Variants in LOXL3 observed in about 807,000 individuals in gnomAD.
The protein encoded by LOXL3 is lysyl oxidase homolog 3.
In LOXL3, 60 loss-of-function variants were observed where a neutral mutation model predicts 91.8. The observed-to-expected ratio is 0.65, with a 90% CI of 0.53 to 0.81. The LOEUF (loss-of-function observed/expected upper bound fraction) is 0.81, where lower values mean the gene tolerates loss of function less well. Ranked by LOEUF, LOXL3 falls within the 30% of genes least tolerant of loss-of-function variation. The pLI is 0.00. For missense variants in LOXL3, 874 were observed against 1,000.4 expected, an observed-to-expected ratio of 0.87 and a Z score of 1.70; for synonymous variants, 355 against 387.6, an observed-to-expected ratio of 0.92 and a Z score of 0.99.
chr2:74,544,965 T>A (rs998390290), intron 4 of LOXL3, among the ~76,000 whole-genome samples: 1 of 152,202 alleles, frequency 6.6e-6, no homozygotes, highest in Admixed American at 6.5e-5. Context: ...TGTATCTCTT[T>A]CTCCAGCCTT....
Position 74,550,308 on chromosome 2 carries a change from C to G in LOXL3, c.354G>C (p.Glu118Asp). The G allele has an allele frequency of 6.2e-7, 1 of 1,614,130 alleles. No individual in the cohort carries two copies. The highest frequency in any genetic ancestry group is 2.2e-5 in the East Asian group (1 of 44,880). The change falls in exon 3 of 14, where the codon GAG becomes GAC. Residue 118 changes from glutamate to aspartate, a missense_variant. Physicochemically the swap from Glu to Asp is conservative, Grantham distance 45 (BLOSUM62 2). Coordinates refer to ENST00000264094, the MANE Select transcript of LOXL3 (RefSeq NM_032603.5). ...WLDNLSCSGTEQSVTECASRG... is the reference protein window; with the variant it reads ...WLDNLSCSGTDQSVTECASRG... ...GGGAGGCACATTCAGTCACACTCTG[C>G]TCGGTCCCACTGCAGCTCAAGTTGT... is the stretch of plus-strand genomic sequence containing the variant.
At position 74,536,941 on chromosome 2, in the gene LOXL3, G is replaced by A; in HGVS notation, c.693-13C>T. 1 of 1,611,856 alleles carries A rather than the reference G, an allele frequency of 6.2e-7. No homozygotes were observed. The highest frequency in any genetic ancestry group is 8.5e-7 in the Non-Finnish European group (1 of 1,178,180). On this transcript the variant is annotated splice_polypyrimidine_tract_variant and intron_variant, in intron 4 of 13. Coordinates refer to ENST00000264094, the MANE Select transcript of LOXL3 (RefSeq NM_032603.5). This position sits in a 1 kb window ranked among gnomAD's most constrained non-coding sequence, Gnocchi z 4.5. Reference sequence around the variant, plus strand: ...TTGGGCTAGCAGCCTAGGGGGACAGGAGTGAGGTGCAGTAGGGTAAAACAA... The same window carrying A: ...TTGGGCTAGCAGCCTAGGGGGACAGAAGTGAGGTGCAGTAGGGTAAAACAA...
In LOXL3 at chr2:74,534,412, T is replaced by A. The variant is rs17010021; in HGVS notation, c.1843A>T (p.Ile615Phe). The A allele has an allele frequency of 0.055, 88,308 of 1,614,118 alleles. 5,524 individuals are homozygous for A. Among genetic ancestry groups the A allele is most frequent in the East Asian group, 0.37 (16,689 of 44,870 alleles). Residue 615 changes from isoleucine (I) to phenylalanine (F), a missense_variant, in exon 11 of 14, where the codon ATC becomes TTC. Transcript: ENST00000264094. ...GTGAGGATATCATAGTGAGTGAAGATGTCCATGCTGTGGTAATGCCTGTGG... is the reference window on the plus strand; with the variant it reads ...GTGAGGATATCATAGTGAGTGAAGAAGTCCATGCTGTGGTAATGCCTGTGG... Reference protein sequence around the residue: ...ECHGHYHSMDIFTHYDILTPN... With the variant: ...ECHGHYHSMDFFTHYDILTPN...
At chr2:74,550,036 C>T (rs1388765249) in intron 3 of LOXL3, 149 bp downstream of exon 3, 5 of 1,471,296 alleles carry the variant, frequency 3.4e-6, no homozygotes, top group Non-Finnish European at 4.5e-6. Flanking sequence ...TTTACAGCAT[C>T]TGGGAGCTCT....
chr2:74,549,306 A>G lies in LOXL3; in HGVS notation c.692+63T>C. 3.4e-6 allele frequency: 5 copies of G among 1,488,668 alleles called. No individual in the cohort carries two copies. Among genetic ancestry groups the G allele is most frequent in the Non-Finnish European group, 4.5e-6 (5 of 1,113,946 alleles). 92.2% of individuals were successfully genotyped at this position (1,488,668 alleles called of 1,614,324 possible). ...CCCGGACCTGCTCAGATGTCTCCCA[A>G]GGCTATTCATCAGGGAGCACCCCAA... On this transcript the variant is annotated intron_variant, in intron 4 of 13. Coordinates refer to ENST00000264094, the MANE Select transcript of LOXL3 (RefSeq NM_032603.5). The surrounding 1 kb of genome is among the most constrained non-coding windows in gnomAD (Gnocchi z 5.3).
Position 74,534,658 on chromosome 2 carries a change from G to C in LOXL3, c.1696C>G (p.Arg566Gly). 2 of 1,614,204 alleles carry C rather than the reference G, an allele frequency of 1.2e-6. No individual in the cohort carries two copies. The highest frequency in any genetic ancestry group is 1.7e-6 in the Non-Finnish European group (2 of 1,180,040). Residue 566 changes from arginine to glycine, a missense_variant, in exon 10 of 14, where the codon CGC becomes GGC. Coordinates refer to ENST00000264094, the MANE Select transcript of LOXL3 (RefSeq NM_032603.5). ...TGACCATAGGGCCAGTTGGCTGAGC[G>C]GGCTGAGCTGGCCAGGCAGTTCTCT... ...AEENCLASSARSANWPYGHRR... is the reference protein window; with the variant it reads ...AEENCLASSAGSANWPYGHRR...
rs1466479462 is a variant in LOXL3, at chr2:74,534,751, A to T, written c.1603T>A (p.Ser535Thr). ...TAGGCGGTCTCCTGCACCAGTGCTGAGTGCAGCAACAGATCTGATGCAGCT... is the reference window on the plus strand; with the variant it reads ...TAGGCGGTCTCCTGCACCAGTGCTGTGTGCAGCAACAGATCTGATGCAGCT... ...SETASDLLLHSALVQETAYIE... is the reference protein window; with the variant it reads ...SETASDLLLHTALVQETAYIE... The change falls in exon 10 of 14, where the codon TCA (serine) becomes ACA (threonine). Residue 535 changes from serine (S) to threonine (T), a missense_variant. Coordinates refer to ENST00000264094, the MANE Select transcript of LOXL3 (RefSeq NM_032603.5). 2 of 1,613,910 alleles carry T rather than the reference A, an allele frequency of 1.2e-6. No homozygotes were observed. Among genetic ancestry groups the T allele is most frequent in the Non-Finnish European group, 1.7e-6 (2 of 1,179,962 alleles).
upstream of LOXL3, chr2:74,555,095 C>A: frequency 9.7e-6 from 15 of 1,547,770 alleles, no homozygotes; most frequent in South Asian, 1.7e-4. This position sits in a 1 kb window ranked among gnomAD's most constrained non-coding sequence, Gnocchi z 6.1. Context: ...CCTTCCCCGT[C>A]GGGACCCGGG....
Position 74,536,225 on chromosome 2 carries a change from G to T in LOXL3, c.1093+66C>A. The T allele has an allele frequency of 6.2e-7, 1 of 1,611,700 alleles. No individual in the cohort carries two copies. The highest frequency in any genetic ancestry group is 1.7e-4 in the Middle Eastern group (1 of 6,060). ...CTGCCCAGGGGACACCTAACCTTCC[G>T]AAGGAATATGCCCCCCAGGAGCATG... On this transcript the variant is annotated intron_variant, in intron 6 of 13. Coordinates refer to ENST00000264094, the MANE Select transcript of LOXL3 (RefSeq NM_032603.5). This position sits in a 1 kb window ranked among gnomAD's most constrained non-coding sequence, Gnocchi z 4.5.
At chr2:74,538,689 C>T (rs1199811467) in intron 4 of LOXL3, among the ~76,000 whole-genome samples, 1 of 152,178 alleles carries the variant, frequency 6.6e-6, no homozygotes, top group Non-Finnish European at 1.5e-5. Context: ...TTCCCTCCAT[C>T]TCGAGTAAGC....
chr2:74,533,782 C>T (rs2104386277), intron 13 of LOXL3, 100 bp downstream of exon 13: 3 of 1,429,056 alleles, frequency 2.1e-6, no homozygotes, highest in South Asian at 1.2e-5. Context: ...GAGAGCTCTA[C>T]AGGAAGGTGG....
At position 74,534,131 on chromosome 2, in the gene LOXL3, G is replaced by A. The variant is rs765545235; in HGVS notation, c.2045C>T (p.Thr682Met). 7.4e-6 allele frequency: 12 copies of A among 1,614,118 alleles called. No homozygotes were observed. Among genetic ancestry groups the A allele is most frequent in the Admixed American group, 1.7e-5 (1 of 60,020 alleles). ...AATGTAGTTTCCTGGCTTCACATCC[G>A]TGATGTCAATCCACTGACAGTCAAT... ...HDIDCQWIDI[T>M]DVKPGNYILQ... Residue 682 changes from threonine (T) to methionine (M), a missense_variant, in exon 12 of 14, where the codon ACG becomes ATG. Coordinates refer to ENST00000264094, the MANE Select transcript of LOXL3 (RefSeq NM_032603.5).
At chr2:74,544,923 T>C (rs1214725448) in intron 4 of LOXL3, among the ~76,000 whole-genome samples, 1 of 152,244 alleles carries the variant, frequency 6.6e-6, no homozygotes, top group African/African-American at 2.4e-5. Context: ...CCGCAATCTC[T>C]TTCCCCACGA....
At chr2:74,538,673 C>T (rs553717833) in intron 4 of LOXL3, among the ~76,000 whole-genome samples, 1 of 152,274 alleles carries the variant, frequency 6.6e-6, no homozygotes, top group Admixed American at 6.5e-5. Context: ...AAAGGGGACG[C>T]TGAGTTTCCC....
rs950802851 is a variant in LOXL3, at chr2:74,549,176, C to G, written c.692+193G>C. 5 of 521,038 alleles carry G rather than the reference C, an allele frequency of 9.6e-6. No individual in the cohort carries two copies. The highest frequency in any genetic ancestry group is 2.0e-5 in the African/African-American group (1 of 50,478). The allele number at this position is 521,038 out of a possible 1,614,324, so 32.3% of individuals were successfully genotyped here. A position where few individuals can be genotyped will look rare whatever the true frequency, so the allele number is the denominator to read the frequency against. ...GCCTCGCTGGTCCCCATTTCAGGTACTCCCTTGGGGCACCTTTCGTGGTCC... is the reference window on the plus strand; with the variant it reads ...GCCTCGCTGGTCCCCATTTCAGGTAGTCCCTTGGGGCACCTTTCGTGGTCC... On this transcript the variant is annotated intron_variant, in intron 4 of 13. Coordinates refer to ENST00000264094, the MANE Select transcript of LOXL3 (RefSeq NM_032603.5). The surrounding 1 kb of genome is among the most constrained non-coding windows in gnomAD (Gnocchi z 5.3).
chr2:74,535,818 A>T lies in LOXL3; in HGVS notation c.1249-63T>A. ...TGGGGTGAGGTAGTGGGAGTCTCTA[A>T]CAGATGTGGCTGAAGCGTGACTCAG... On this transcript the variant is annotated intron_variant, in intron 7 of 13. Transcript: ENST00000264094. The surrounding 1 kb of genome is among the most constrained non-coding windows in gnomAD (Gnocchi z 4.2). 1 of 1,513,094 alleles carries T rather than the reference A, an allele frequency of 6.6e-7. No individual in the cohort carries two copies. Among genetic ancestry groups the T allele is most frequent in the Non-Finnish European group, 8.8e-7 (1 of 1,134,390 alleles). The allele number at this position is 1,513,094 out of a possible 1,614,324, so 93.7% of individuals were successfully genotyped here. A position where few individuals can be genotyped will look rare whatever the true frequency, so the allele number is the denominator to read the frequency against.
intron 4 of LOXL3, among the ~76,000 whole-genome samples, chr2:74,541,870 A>G (rs1444735085): frequency 1.3e-5 from 2 of 151,222 alleles, no homozygotes; most frequent in Non-Finnish European, 2.9e-5. Context: ...AAAATTATAT[A>G]TAAGTTATGT....
At chr2:74,540,956 G>T (rs780104189) in intron 4 of LOXL3, among the ~76,000 whole-genome samples, 62 of 152,164 alleles carry the variant, frequency 4.1e-4, no homozygotes, top group Non-Finnish European at 7.9e-4. Context: ...GAGCCACTGA[G>T]CCCAGCCTTA....
In LOXL3 at chr2:74,533,505, T is replaced by C. The variant is rs1675777514; in HGVS notation, c.*101A>G. 1 of 989,430 alleles carries C rather than the reference T, an allele frequency of 1.0e-6. No individual in the cohort carries two copies. Among genetic ancestry groups the C allele is most frequent in the African/African-American group, 1.6e-5 (1 of 62,244 alleles). The allele number at this position is 989,430 out of a possible 1,614,324, so 61.3% of individuals were successfully genotyped here. On this transcript the variant is annotated 3_prime_UTR_variant, in exon 14 of 14. Coordinates refer to ENST00000264094, the MANE Select transcript of LOXL3 (RefSeq NM_032603.5). ...CATCCATAGTGCATGGTCTGATGAG[T>C]GCGGTTGCTGACATGGGTTTCTTGG...
Sources: allele counts gnomAD v4.1 joint callset (sites outside exome capture counted in the v4.1 genomes callset), GRCh38; gene constraint gnomAD v4.1.1; non-coding constraint Gnocchi (gnomAD v3.1); transcripts MANE v1.5; gene names NCBI Gene and HGNC (gene_info 2026-07-23, HGNC 2026-07-21).